Variants in LONRF1 observed in about 807,000 individuals in gnomAD.
LONRF1 encodes LON peptidase N-terminal domain and ring finger 1.
A neutral mutation model predicts 85.8 loss-of-function variants in LONRF1; 37 were observed. The observed-to-expected ratio is 0.43, with a 90% CI of 0.33 to 0.57. The LOEUF (loss-of-function observed/expected upper bound fraction) is 0.57. Among genes scored for constraint, LONRF1 ranks in the 20% least tolerant of loss-of-function variants. LONRF1 has a pLI of 0.04. For synonymous variants in LONRF1, 517 were observed against 390.1 expected, an observed-to-expected ratio of 1.33 and a Z score of -3.83; for missense variants, 1,036 against 978.0, an observed-to-expected ratio of 1.06 and a Z score of -0.79.
chr8:12,754,554 A>C, intron 1 of LONRF1, 146 bp downstream of exon 1: 16 of 829,364 alleles, frequency 1.9e-5, no homozygotes, highest in East Asian at 9.6e-5. Flanking sequence ...CACACCCCCC[A>C]GCACCCCGAG....
chr8:12,732,451 C>T (rs1254542919), intron 7 of LONRF1, among the ~76,000 whole-genome samples: 1 of 152,128 alleles, frequency 6.6e-6, no homozygotes, highest in Admixed American at 6.5e-5. Flanking sequence ...CAAGATATTG[C>T]TTTTCCTGTA....
At chr8:12,740,157 A>C (rs1332966113) in intron 3 of LONRF1, among the ~76,000 whole-genome samples, 1 of 152,204 alleles carries the variant, frequency 6.6e-6, no homozygotes, top group African/African-American at 2.4e-5. Context: ...GCATGTTTTG[A>C]GTATGTGCAG....
chr8:12,736,364 G>A (rs1798714832), intron 6 of LONRF1, among the ~76,000 whole-genome samples: 1 of 152,114 alleles, frequency 6.6e-6, no homozygotes, highest in African/African-American at 2.4e-5. Flanking sequence ...TTAAAACCAT[G>A]GAGATAGGTA....
At chr8:12,733,344 G>A (rs1226319733) in intron 7 of LONRF1, among the ~76,000 whole-genome samples, 1 of 151,970 alleles carries the variant, frequency 6.6e-6, no homozygotes. Context: ...CATTTCTGGG[G>A]ATGAGGCAAT....
chr8:12,729,814 CAT>C (rs1798459471), intron 8 of LONRF1, among the ~76,000 whole-genome samples: 1 of 152,078 alleles, frequency 6.6e-6, no homozygotes, highest in South Asian at 2.1e-4. Flanking sequence ...GATAAGAAAA[CAT>C]ATTTTGATGA....
intron 2 of LONRF1, 99 bp from the exon 3 acceptor site, chr8:12,741,095 G>A (rs138132719): frequency 5.8e-5 from 82 of 1,408,650 alleles, no homozygotes; most frequent in East Asian, 3.1e-4. Flanking sequence ...CAGCAGTGCC[G>A]ATTCTGGGCC....
At chr8:12,743,415 G>T (rs1361567755) in intron 1 of LONRF1, 133 bp from the exon 2 acceptor site, 3 of 621,626 alleles carry the variant, frequency 4.8e-6, no homozygotes, top group Non-Finnish European at 8.3e-6. Context: ...AAGTCTATAA[G>T]CCAAAGGCAG....
In LONRF1 at chr8:12,745,125, C is replaced by T. The variant is rs556274253; in HGVS notation, c.722-1843G>A. ...AGACATATTCCTTCCCCTCTCCACA[C>T]AGAAAAATTCGGGATATTGAGATCT... On this transcript the variant is annotated intron_variant, in intron 1 of 11. Coordinates refer to ENST00000398246, the MANE Select transcript of LONRF1 (RefSeq NM_152271.5). Among the ~76,000 whole-genome samples, 62 of 152,162 alleles carry T rather than the reference C, an allele frequency of 4.1e-4. 1 individual carries two copies. Among genetic ancestry groups the T allele is most frequent in the African/African-American group, 1.4e-3 (60 of 41,512 alleles).
At chr8:12,741,684 G>C (rs561860986) in intron 2 of LONRF1, among the ~76,000 whole-genome samples, 6 of 152,140 alleles carry the variant, frequency 3.9e-5, no homozygotes, top group South Asian at 2.1e-4. Flanking sequence ...ATATTAAAAT[G>C]TGAAAAAAAT....
chr8:12,755,090 C>A lies in LONRF1; in HGVS notation c.331G>T (p.Ala111Ser). 1 of 1,471,230 alleles carries A rather than the reference C, an allele frequency of 6.8e-7. No individual in the cohort carries two copies. The highest frequency in any genetic ancestry group is 9.0e-7 in the Non-Finnish European group (1 of 1,116,576). The allele number at this position is 1,471,230 out of a possible 1,614,324, so 91.1% of individuals were successfully genotyped here. Residue 111 changes from alanine (A) to serine (S), a missense_variant, in exon 1 of 12, where the codon GCA (alanine) becomes TCA (serine). Physicochemically the swap from Ala to Ser is moderately conservative, Grantham distance 99. This residue lies in a region of LONRF1 where 742 missense variants were observed against 614.4 expected (regional missense o/e 1.21). Coordinates refer to ENST00000398246, the MANE Select transcript of LONRF1 (RefSeq NM_152271.5). ...HGLGWSAAPV[A>S]GADGGAGGLL... Reference sequence around the variant, plus strand: ...CCGCCGGCGCCGCCGTCAGCGCCTGCAACCGGGGCCGCGCTCCAGCCCAGC... The same window carrying A: ...CCGCCGGCGCCGCCGTCAGCGCCTGAAACCGGGGCCGCGCTCCAGCCCAGC...
chr8:12,729,118 A>G, intron 9 of LONRF1, 55 bp from the exon 10 acceptor site: 2 of 1,612,116 alleles, frequency 1.2e-6, no homozygotes, highest in South Asian at 2.2e-5. Flanking sequence ...GCAAGTTCTC[A>G]TCCATATTGA....
chr8:12,731,525 C>T (rs1033823994), intron 8 of LONRF1, among the ~76,000 whole-genome samples: 1 of 152,068 alleles, frequency 6.6e-6, no homozygotes, highest in East Asian at 1.9e-4. Context: ...ACTGCTTCAG[C>T]CCACAGAGCT....
Position 12,755,068 on chromosome 8 carries a change from C to A in LONRF1, c.353G>T (p.Gly118Val), listed in dbSNP as rs1799584794. ...GCAGCCCAGGCATCTGAGGAGCCCG[C>A]CGGCGCCGCCGTCAGCGCCTGCAAC... ...APVAGADGGA[G>V]GLLRCLGCRG... The change falls in exon 1 of 12, where the codon GGC becomes GTC. Residue 118 changes from glycine to valine, a missense_variant. Coordinates refer to ENST00000398246, the MANE Select transcript of LONRF1 (RefSeq NM_152271.5). The A allele has an allele frequency of 2.4e-5, 35 of 1,473,348 alleles. No individual in the cohort carries two copies. The East Asian group carries it at 9.5e-4, about 40-fold the overall frequency. 91.3% of individuals were successfully genotyped at this position (1,473,348 alleles called of 1,614,324 possible).
In LONRF1 at chr8:12,725,816, AG is replaced by A; in HGVS notation, c.2073del (p.Cys692AlafsTer7). On this transcript the variant is annotated frameshift_variant, in exon 11 of 12. Coordinates refer to ENST00000398246, the MANE Select transcript of LONRF1 (RefSeq NM_152271.5). LOFTEE classifies it high-confidence loss of function. ...TCTCTTAAATTCTGAAACCAGCTGCAGGCTTGAGAGTAAACCAAATCATGAA... is the reference window on the plus strand; with the variant it reads ...TCTCTTAAATTCTGAAACCAGCTGCAGCTTGAGAGTAAACCAAATCATGAA... ...RELHDLVYSQACSWFQNLRDR... is the reference protein window; with the variant it reads ...RELHDLVYSQXCSWFQNLRDR... The A allele has an allele frequency of 6.2e-7, 1 of 1,613,746 alleles. No homozygotes were observed. Among genetic ancestry groups the A allele is most frequent in the Non-Finnish European group, 8.5e-7 (1 of 1,179,750 alleles).
At chr8:12,732,179 G>A (rs1335446180) in intron 7 of LONRF1, among the ~76,000 whole-genome samples, 1 of 152,212 alleles carries the variant, frequency 6.6e-6, no homozygotes, top group Non-Finnish European at 1.5e-5. Context: ...TTTTCCACCT[G>A]ACAGCTCATG....
intron 6 of LONRF1, 107 bp downstream of exon 6, chr8:12,736,594 T>C: frequency 1.3e-6 from 1 of 751,464 alleles, no homozygotes; most frequent in Non-Finnish European, 2.1e-6. Context: ...TTGATTTTTA[T>C]TCCAGCATTG....
At chr8:12,742,435 A>T (rs1264846765) in intron 2 of LONRF1, among the ~76,000 whole-genome samples, 1 of 152,206 alleles carries the variant, frequency 6.6e-6, no homozygotes, top group Non-Finnish European at 1.5e-5. Flanking sequence ...CCACATGGGC[A>T]AGGCAACTTC....
intron 10 of LONRF1, among the ~76,000 whole-genome samples, chr8:12,728,395 T>C (rs1012579055): frequency 1.3e-5 from 2 of 152,236 alleles, no homozygotes; most frequent in Non-Finnish European, 2.9e-5. Flanking sequence ...TATTTTATCA[T>C]TAAGGTTATC....
chr8:12,743,198 T>C lies in LONRF1; in HGVS notation c.806A>G (p.Asn269Ser). The C allele has an allele frequency of 6.2e-7, 1 of 1,612,998 alleles. No homozygotes were observed. The change falls in exon 2 of 12, where the codon AAT (asparagine) becomes AGT (serine). Residue 269 changes from asparagine (N) to serine (S), a missense_variant. Coordinates refer to ENST00000398246, the MANE Select transcript of LONRF1 (RefSeq NM_152271.5). ...QEFKAAIEDL[N>S]AVLFQLPDWP... ...ATCTGGAAGTTGAAAAAGAACTGCATTTAAATCTTCTATGGCTGCTTTAAA... is the reference window on the plus strand; with the variant it reads ...ATCTGGAAGTTGAAAAAGAACTGCACTTAAATCTTCTATGGCTGCTTTAAA...
Sources: gnomAD v4.1 joint callset for allele counts (sites outside exome capture counted in the v4.1 genomes callset) on GRCh38, gnomAD v4.1.1 for gene constraint, gnomAD v4.1.1 regional missense constraint, MANE v1.5 for transcripts, NCBI Gene and HGNC (gene_info 2026-07-23, HGNC 2026-07-21) for gene names.